Variants in NOB1 observed in about 807,000 individuals in gnomAD.
NOB1 encodes the protein NIN1 (RPN12) binding protein 1 homolog.
NOB1 carries 44 observed loss-of-function variants against 44.8 expected under a neutral mutation model. The observed-to-expected ratio is 0.98, with a 90% CI of 0.77 to 1.26. The LOEUF (loss-of-function observed/expected upper bound fraction) is 1.26. Ranked by LOEUF, NOB1 falls within the 50% of genes most tolerant of loss-of-function variation. The pLI is 0.00. For missense variants in NOB1, 560 were observed against 544.8 expected, an observed-to-expected ratio of 1.03 and a Z score of -0.28; for synonymous variants, 238 against 218.7, an observed-to-expected ratio of 1.09 and a Z score of -0.78.
rs1451819528 is a variant in NOB1 at position 69,752,376 on chromosome 16, A to G, written c.197-5T>C. The G allele has an allele frequency of 1.2e-6, 2 of 1,611,560 alleles. No individual in the cohort carries two copies. Among genetic ancestry groups the G allele is most frequent in the Non-Finnish European group, 1.7e-6 (2 of 1,177,830 alleles). On this transcript the variant is annotated splice_polypyrimidine_tract_variant and splice_region_variant and intron_variant, in intron 2 of 8. Transcript: ENST00000268802. ...TTTTCTTTGAAAACTCAGTCACTGTAAACAACAGATTTACATCTTCAGTTA... is the reference window on the plus strand; with the variant it reads ...TTTTCTTTGAAAACTCAGTCACTGTGAACAACAGATTTACATCTTCAGTTA...
Position 69,752,333 on chromosome 16 carries a change from G to C in NOB1, c.235C>G (p.Leu79Val). The change falls in exon 3 of 9, where the codon CTC becomes GTC. Residue 79 changes from leucine to valine, a missense_variant. Physicochemically the swap from Leu to Val is conservative, Grantham distance 32. Transcript: ENST00000268802. Reference protein sequence around the residue: ...FSKKTGDYPSLSATDIQVLAL... With the variant: ...FSKKTGDYPSVSATDIQVLAL... The stretch of plus-strand genomic sequence containing the variant: ...AGCACTTGGATGTCCGTGGCAGAGA[G>C]GCTGGGGTAGTCTCCTGTTTTCTTT... 6.2e-7 allele frequency: 1 copy of C among 1,613,852 alleles called. No homozygotes were observed. Among genetic ancestry groups the C allele is most frequent in the Non-Finnish European group, 8.5e-7 (1 of 1,179,756 alleles).
intron 3 of NOB1, 88 bp downstream of exon 3, chr16:69,752,153 C>T (rs2038487938): frequency 7.9e-7 from 1 of 1,261,140 alleles, no homozygotes; most frequent in South Asian, 1.2e-5. Flanking sequence ...GATGGGAACC[C>T]TGGGTCCATT....
chr16:69,744,836 C>T, intron 8 of NOB1, 37 bp downstream of exon 8: 1 of 1,602,826 alleles, frequency 6.2e-7, no homozygotes, highest in Non-Finnish European at 8.5e-7. Context: ...CTTTTTCACT[C>T]TGGTGTTGGG....
chr16:69,748,668 T>TAC (rs527843392), intron 6 of NOB1: 86 of 534,364 alleles, frequency 1.6e-4, no homozygotes, highest in African/African-American at 1.5e-3. Flanking sequence ...GCATTATATA[T>TAC]ACTGAAAAAA....
At chr16:69,751,655 T>C (rs1222087191) in intron 3 of NOB1, among the ~76,000 whole-genome samples, 1 of 152,244 alleles carries the variant, frequency 6.6e-6, no homozygotes, top group Non-Finnish European at 1.5e-5. Context: ...GGCATTACTA[T>C]TAATTTTGTG....
In NOB1 at chr16:69,754,843, C is replaced by T. The variant is rs1177315508; in HGVS notation, c.63+5G>A. ...CTCTCTCGTCCCGGAGGGAGCTCCCCGTACCTGCAGAGCCGCATGCCGCAG... is the reference window on the plus strand; with the variant it reads ...CTCTCTCGTCCCGGAGGGAGCTCCCTGTACCTGCAGAGCCGCATGCCGCAG... On this transcript the variant is annotated splice_donor_5th_base_variant and intron_variant, in intron 1 of 8. Coordinates refer to ENST00000268802, the MANE Select transcript of NOB1 (RefSeq NM_014062.3). 2.5e-6 allele frequency: 4 copies of T among 1,603,062 alleles called. No homozygotes were observed. Among genetic ancestry groups the T allele is most frequent in the Non-Finnish European group, 2.6e-6 (3 of 1,175,736 alleles).
At position 69,742,342 on chromosome 16, in the gene NOB1, T is replaced by C. The variant is rs939689278; in HGVS notation, c.1229A>G (p.Lys410Arg). The C allele has an allele frequency of 1.2e-6, 2 of 1,611,322 alleles. No individual in the cohort carries two copies. Among genetic ancestry groups the C allele is most frequent in the South Asian group, 2.2e-5 (2 of 91,020 alleles). The change falls in exon 9 of 9, where the codon AAG (lysine) becomes AGG (arginine). Residue 410 changes from lysine to arginine, a missense_variant. Physicochemically the swap from Lys to Arg is conservative, Grantham distance 26 (BLOSUM62 2). Coordinates refer to ENST00000268802, the MANE Select transcript of NOB1 (RefSeq NM_014062.3). Reference protein sequence around the residue: ...NPNASRKKFVKKR With the variant: ...NPNASRKKFVRKR The stretch of plus-strand genomic sequence containing the variant: ...GCGGGAACTCGCTCTTCACCTTTTC[T>C]TCACAAACTTCTTTCTGGAAGCGTT...
intron 3 of NOB1, among the ~76,000 whole-genome samples, chr16:69,750,555 A>G (rs2038474628): frequency 6.6e-6 from 1 of 152,136 alleles, no homozygotes; most frequent in African/African-American, 2.4e-5. Context: ...TGTGCTCAGG[A>G]GTTTGATGCT....
intron 7 of NOB1, among the ~76,000 whole-genome samples, chr16:69,745,730 G>A (rs1377858103): frequency 6.6e-6 from 1 of 151,902 alleles, no homozygotes; most frequent in East Asian, 1.9e-4. Context: ...CTGTCCTTGT[G>A]GAGTTCTCCA....
rs1359761095 is a variant in NOB1 at position 69,754,443 on chromosome 16, G to A, written c.196+151C>T. The A allele has an allele frequency of 4.6e-6, 5 of 1,093,058 alleles. No individual in the cohort carries two copies. In the African/African-American group the frequency reaches 4.7e-5, roughly 10 times the overall value. The allele number at this position is 1,093,058 out of a possible 1,614,324, so 67.7% of individuals were successfully genotyped here. A position where few individuals can be genotyped will look rare whatever the true frequency, so the allele number is the denominator to read the frequency against. On this transcript the variant is annotated intron_variant, in intron 2 of 8. Transcript: ENST00000268802. Reference sequence around the variant, plus strand: ...TAGTTACTGGAGGACTCCAGACCCAGGAAGCCTCTCTCCTACCACAATCTC... The same window carrying A: ...TAGTTACTGGAGGACTCCAGACCCAAGAAGCCTCTCTCCTACCACAATCTC...
intron 8 of NOB1, 122 bp from the exon 9 acceptor site, chr16:69,742,723 T>C (rs569382738): frequency 3.3e-5 from 32 of 972,010 alleles, no homozygotes; most frequent in Middle Eastern, 4.8e-4. Flanking sequence ...CGGGTGGTAA[T>C]TGACTGCCTA....
intron 2 of NOB1, among the ~76,000 whole-genome samples, chr16:69,753,432 G>T (rs184348286): frequency 7.2e-5 from 11 of 152,274 alleles, no homozygotes; most frequent in Non-Finnish European, 2.9e-5. Context: ...CTGGTACAAG[G>T]AACACTAGGT....
In NOB1 at chr16:69,750,000, A is replaced by AT. The variant is rs369173907; in HGVS notation, c.328-371dup. Among the ~76,000 whole-genome samples, 824 of 131,476 alleles carry AT rather than the reference A, an allele frequency of 6.3e-3. 9 individuals are homozygous for AT. The highest frequency in any genetic ancestry group is 8.7e-3 in the Admixed American group (109 of 12,546). The allele number at this position is 131,476 out of a possible 152,430, so 86.3% of individuals were successfully genotyped here. On this transcript the variant is annotated intron_variant, in intron 3 of 8. Coordinates refer to ENST00000268802, the MANE Select transcript of NOB1 (RefSeq NM_014062.3). ...TCTCAAAAAAAAAAAAGGATACCCA[A>AT]TTTTTTTTTTTTTTTTGAGATAGGG...
chr16:69,750,406 T>C lies in NOB1; in HGVS notation c.328-776A>G, dbSNP rs373674679. On this transcript the variant is annotated intron_variant, in intron 3 of 8. Transcript: ENST00000268802. ...CCTTAGGAAGGCTGAGGTAGGAGGA[T>C]TGTTTTGGGCCAGGATTTTGAGACC... Among the ~76,000 whole-genome samples, 8 of 152,004 alleles carry C rather than the reference T, an allele frequency of 5.3e-5. No homozygotes were observed. In the East Asian group the frequency reaches 1.2e-3, roughly 22 times the overall value.
intron 8 of NOB1, among the ~76,000 whole-genome samples, chr16:69,743,547 C>G (rs1002263367): frequency 6.6e-6 from 1 of 152,314 alleles, no homozygotes; most frequent in African/African-American, 2.4e-5. Context: ...TCACCTCTGG[C>G]GTGTTCCTGC....
Position 69,754,878 on chromosome 16 carries a change from A to C in NOB1, c.33T>G (p.Ala11=), listed in dbSNP as rs1431667109. ...GAGCCGCATGCCGCAGGAAAGCCCC[A>C]GCATCCGCCACAACGTGCTCCACTG... MAPVEHVVAD[A]GAFLRHAALQ... The change falls in exon 1 of 9, where the codon GCT becomes GCG. Residue 11 remains alanine (A), a synonymous_variant. Transcript: ENST00000268802. 6.3e-7 allele frequency: 1 copy of C among 1,595,894 alleles called. No homozygotes were observed. The highest frequency in any genetic ancestry group is 1.8e-5 in the Admixed American group (1 of 57,034).
At position 69,754,830 on chromosome 16, in the gene NOB1, G is replaced by C. The variant is rs1470408723; in HGVS notation, c.63+18C>G. On this transcript the variant is annotated intron_variant, in intron 1 of 8. Transcript: ENST00000268802. ...GGCCAGCCCAGATCTCTCTCGTCCC[G>C]GAGGGAGCTCCCCGTACCTGCAGAG... The C allele has an allele frequency of 1.9e-6, 3 of 1,605,132 alleles. No homozygotes were observed. The highest frequency in any genetic ancestry group is 1.7e-4 in the Middle Eastern group (1 of 6,038).
In NOB1 at chr16:69,749,091, C is replaced by T. The variant is rs1056588735; in HGVS notation, c.553G>A (p.Glu185Lys). The part of the protein sequence containing the change: ...LIDRGEDVPS[E>K]EEEEEENGFE... ...CCGTTTTCTTCCTCCTCCTCCTCCT[C>T]ACTTGGAACGTCCTCACCTCTGTCA... is the stretch of plus-strand genomic sequence containing the variant. Residue 185 changes from glutamate (E) to lysine (K), a missense_variant, in exon 6 of 9, where the codon GAG becomes AAG. Glu to Lys is a moderately conservative substitution (Grantham distance 56). Coordinates refer to ENST00000268802, the MANE Select transcript of NOB1 (RefSeq NM_014062.3). 2.5e-6 allele frequency: 4 copies of T among 1,614,240 alleles called. No individual in the cohort carries two copies. Among genetic ancestry groups the T allele is most frequent in the Middle Eastern group, 1.7e-4 (1 of 6,060 alleles).
At chr16:69,754,487 AAATCT>A in intron 2 of NOB1, 102 bp downstream of exon 2, 1 of 1,452,924 alleles carries the variant, frequency 6.9e-7, no homozygotes, top group Non-Finnish European at 9.3e-7. Context: ...TGCTGGCTCT[AAATCT>A]ACTGCTCTGA....
Sources: gnomAD v4.1 joint callset for allele counts (sites outside exome capture counted in the v4.1 genomes callset) on GRCh38, gnomAD v4.1.1 for gene constraint, MANE v1.5 for transcripts, NCBI Gene and HGNC (gene_info 2026-07-23, HGNC 2026-07-21) for gene names.